RBFOX1: variants seen among roughly 807,000 people sequenced by gnomAD.
RBFOX1 encodes the protein RNA binding protein fox-1 homolog 1.
RBFOX1 carries 8 observed loss-of-function variants against 57.7 expected under a neutral mutation model. The observed-to-expected ratio is 0.14, with a 90% CI of 0.08 to 0.25. The LOEUF (loss-of-function observed/expected upper bound fraction) is 0.25, where lower values mean the gene tolerates loss of function less well. Ranked by LOEUF, RBFOX1 falls within the 10% of genes least tolerant of loss-of-function variation. The pLI is 1.00. For synonymous variants in RBFOX1, 326 were observed against 222.4 expected (o/e 1.47, Z -4.15); for missense variants, 611 against 548.5 (o/e 1.11, Z -1.14).
intron 2 of RBFOX1, among the ~76,000 whole-genome samples, chr16:6,517,931 A>G (rs1052618785): frequency 1.1e-4 from 16 of 152,184 alleles, no homozygotes; most frequent in Non-Finnish European, 1.3e-4. Flanking sequence ...GATAGTAGTG[A>G]TGATGGTGAT....
chr16:6,004,272 G>A (rs2060654353), intron 4 of RBFOX1, among the ~76,000 whole-genome samples: 1 of 151,996 alleles, frequency 6.6e-6, no homozygotes, highest in Non-Finnish European at 1.5e-5. Context: ...TGCAGGCTCT[G>A]CTGCTTATTA....
chr16:7,144,818 T>C (rs1057454587), intron 4 of RBFOX1, among the ~76,000 whole-genome samples: 2 of 151,588 alleles, frequency 1.3e-5, no homozygotes, highest in African/African-American at 4.9e-5. Flanking sequence ...AATAAAAGAG[T>C]CTTTATGGCC....
chr16:7,327,072 A>C (rs1036278712), intron 4 of RBFOX1, among the ~76,000 whole-genome samples: 2 of 152,198 alleles, frequency 1.3e-5, no homozygotes, highest in Non-Finnish European at 1.5e-5. Flanking sequence ...CTCTGAACCA[A>C]ACACAATGCT....
chr16:5,277,106 C>T (rs1333370749), intron 1 of RBFOX1, among the ~76,000 whole-genome samples: 1 of 151,760 alleles, frequency 6.6e-6, no homozygotes, highest in Non-Finnish European at 1.5e-5. Context: ...TATATATATA[C>T]CATAGAATAC....
At chr16:7,185,874 C>T (rs1233226350) in intron 4 of RBFOX1, among the ~76,000 whole-genome samples, 1 of 152,140 alleles carries the variant, frequency 6.6e-6, no homozygotes, top group Non-Finnish European at 1.5e-5. Context: ...CCCTAGATAA[C>T]AACAAACCCA....
At chr16:7,633,250 G>A (rs1054799604) in intron 11 of RBFOX1, among the ~76,000 whole-genome samples, 10 of 152,034 alleles carry the variant, frequency 6.6e-5, no homozygotes, top group African/African-American at 1.9e-4. Flanking sequence ...GTCGATTTTA[G>A]TATTAAAAAT....
intron 4 of RBFOX1, among the ~76,000 whole-genome samples, chr16:7,505,817 G>T (rs1431394718): frequency 6.6e-6 from 1 of 152,182 alleles, no homozygotes; most frequent in Admixed American, 6.5e-5. Flanking sequence ...CTGTAACATG[G>T]ATTCTGTCAT....
intron 3 of RBFOX1, among the ~76,000 whole-genome samples, chr16:6,883,474 C>G (rs1359780756): frequency 2.6e-5 from 4 of 152,220 alleles, no homozygotes; most frequent in Non-Finnish European, 5.9e-5. Context: ...TAGCCGCTTT[C>G]TCTTAGACAC....
At chr16:6,271,429 A>G (rs1442420697) in intron 1 of RBFOX1, among the ~76,000 whole-genome samples, 1 of 152,220 alleles carries the variant, frequency 6.6e-6, no homozygotes, top group Non-Finnish European at 1.5e-5. Flanking sequence ...TCTAAAAAAC[A>G]AACAAAACAA....
At chr16:6,088,964 C>T (rs372607342) in intron 1 of RBFOX1, among the ~76,000 whole-genome samples, 166 of 151,722 alleles carry the variant, frequency 1.1e-3, no homozygotes, top group African/African-American at 3.5e-3. Context: ...GGTGTGGTGG[C>T]GCATGCCTGT....
intron 2 of RBFOX1, among the ~76,000 whole-genome samples, chr16:6,424,308 G>A (rs1038996206): frequency 1.3e-5 from 2 of 152,180 alleles, no homozygotes; most frequent in African/African-American, 2.4e-5. Flanking sequence ...TAAGGAGGCA[G>A]TCTAAGCTGT....
At chr16:5,959,569 G>C (rs2059709656) in intron 4 of RBFOX1, among the ~76,000 whole-genome samples, 1 of 152,174 alleles carries the variant, frequency 6.6e-6, no homozygotes, top group Non-Finnish European at 1.5e-5. Context: ...CTTTATTTAA[G>C]TTTCTGATGA....
chr16:6,530,517 T>C (rs1012387375), intron 2 of RBFOX1, among the ~76,000 whole-genome samples: 9 of 152,168 alleles, frequency 5.9e-5, no homozygotes, highest in Non-Finnish European at 1.0e-4. Flanking sequence ...ATACCTCAAA[T>C]AGACATGCAG....
intron 4 of RBFOX1, among the ~76,000 whole-genome samples, chr16:7,094,036 A>G (rs954469464): frequency 2.7e-5 from 4 of 150,848 alleles, no homozygotes; most frequent in African/African-American, 9.8e-5. Context: ...TAATTGGTCA[A>G]GTGGATGTTG....
intron 3 of RBFOX1, among the ~76,000 whole-genome samples, chr16:5,721,673 G>C (rs2051940637): frequency 1.3e-5 from 2 of 152,164 alleles, no homozygotes; most frequent in East Asian, 1.9e-4. Flanking sequence ...TTTTTATCAT[G>C]AAAGGTTGCT....
intron 4 of RBFOX1, among the ~76,000 whole-genome samples, chr16:7,123,701 T>A (rs941873287): frequency 2.6e-5 from 4 of 152,098 alleles, no homozygotes; most frequent in Non-Finnish European, 4.4e-5. Flanking sequence ...TAGGAGCTAG[T>A]TTAGGGGAAA....
intron 2 of RBFOX1, among the ~76,000 whole-genome samples, chr16:5,483,000 G>A (rs1288921068): frequency 6.6e-6 from 1 of 152,164 alleles, no homozygotes; most frequent in Non-Finnish European, 1.5e-5. Flanking sequence ...GACCTTATAG[G>A]ACAGATACAA....
intron 2 of RBFOX1, among the ~76,000 whole-genome samples, chr16:6,500,180 C>T (rs558539102): frequency 1.3e-5 from 2 of 152,120 alleles, no homozygotes; most frequent in African/African-American, 2.4e-5. Flanking sequence ...TTTTAAATAC[C>T]TGGTCATCAT....
intron 3 of RBFOX1, among the ~76,000 whole-genome samples, chr16:5,795,836 T>A (rs1366325776): frequency 1.3e-5 from 2 of 152,240 alleles, no homozygotes; most frequent in Admixed American, 1.3e-4. Flanking sequence ...TTGCTTTTTT[T>A]CACTGATTTG....
Sources: allele counts gnomAD v4.1 joint callset (sites outside exome capture counted in the v4.1 genomes callset), GRCh38; gene constraint gnomAD v4.1.1; transcripts MANE v1.5; gene names NCBI Gene and HGNC (gene_info 2026-07-23, HGNC 2026-07-21).